DNM3: variants seen among roughly 807,000 people sequenced by gnomAD.
The protein encoded by DNM3 is dynamin-3.
A neutral mutation model predicts 101.6 loss-of-function variants in DNM3; 47 were observed. That is an observed-to-expected ratio of 0.46 (90% CI 0.37 to 0.59). DNM3 has a LOEUF of 0.59. DNM3 is among the 20% of genes least tolerant of loss of function. The pLI is 0.00. For missense variants in DNM3, 849 were observed against 1,085.7 expected (o/e 0.78, Z 3.06); for synonymous variants, 385 against 387.9 (o/e 0.99, Z 0.09).
chr1:171,939,138 T>C (rs2041650955), intron 2 of DNM3, among the ~76,000 whole-genome samples: 1 of 152,164 alleles, frequency 6.6e-6, no homozygotes, highest in Admixed American at 6.5e-5. Flanking sequence ...TAGTAGTCAA[T>C]TATGTACCTT....
chr1:172,269,370 G>T (rs2148741521), intron 15 of DNM3, among the ~76,000 whole-genome samples: 1 of 152,290 alleles, frequency 6.6e-6, no homozygotes, highest in East Asian at 1.9e-4. Flanking sequence ...TGGGACAGAA[G>T]TGTGCCTCCA....
chr1:172,235,058 C>A (rs1457405740), intron 14 of DNM3, among the ~76,000 whole-genome samples: 3 of 149,256 alleles, frequency 2.0e-5, no homozygotes, highest in Non-Finnish European at 3.0e-5. Flanking sequence ...TCAGAGTGAA[C>A]AGGCAACCTA....
chr1:172,310,021 T>C (rs1026975424), intron 16 of DNM3: 1 of 152,198 alleles, frequency 6.6e-6, no homozygotes, highest in Non-Finnish European at 1.5e-5. Flanking sequence ...GAAGTTAAAC[T>C]AGATGCTTTC....
chr1:171,947,495 T>C (rs1252023400), intron 2 of DNM3, among the ~76,000 whole-genome samples: 1 of 151,922 alleles, frequency 6.6e-6, no homozygotes, highest in African/African-American at 2.4e-5. Flanking sequence ...CATAACAGCC[T>C]GAAAAAATCA....
At chr1:172,300,010 A>G (rs1329660918) in intron 15 of DNM3, among the ~76,000 whole-genome samples, 1 of 152,172 alleles carries the variant, frequency 6.6e-6, no homozygotes, top group Non-Finnish European at 1.5e-5. Context: ...CCAACATCAC[A>G]TAAGTGTTCA....
Position 172,408,512 on chromosome 1 carries a change from A to G in DNM3, c.*671A>G. On this transcript the variant is annotated 3_prime_UTR_variant, in exon 21 of 21. Transcript: ENST00000627582. ...TAGAAGCATATGCAACAGTGAATAA[A>G]AGCTTCTTTTTTTGTTAATCAGTCA... is the stretch of plus-strand genomic sequence containing the variant. 2.0e-6 allele frequency: 2 copies of G among 985,380 alleles called. No individual in the cohort carries two copies. The highest frequency in any genetic ancestry group is 2.4e-6 in the Non-Finnish European group (2 of 829,890). 61.0% of individuals were successfully genotyped at this position (985,380 alleles called of 1,614,324 possible).
intron 2 of DNM3, among the ~76,000 whole-genome samples, chr1:171,945,063 C>A (rs1372975340): frequency 6.6e-6 from 1 of 151,290 alleles, no homozygotes; most frequent in East Asian, 1.9e-4. Flanking sequence ...TGTGAAGGGA[C>A]CTCGCTGTGT....
chr1:172,043,741 C>A (rs2049568547), intron 8 of DNM3, among the ~76,000 whole-genome samples: 1 of 152,104 alleles, frequency 6.6e-6, no homozygotes, highest in Admixed American at 6.6e-5. Flanking sequence ...AATGGACAGA[C>A]AATGAAGCCG....
At chr1:171,927,168 CTG>C (rs1372015034) in intron 2 of DNM3, among the ~76,000 whole-genome samples, 3 of 152,200 alleles carry the variant, frequency 2.0e-5, no homozygotes, top group African/African-American at 7.2e-5. Flanking sequence ...CACTAAAAAA[CTG>C]TTAGAACTAC....
At chr1:171,934,634 G>A (rs2125382644) in intron 2 of DNM3, among the ~76,000 whole-genome samples, 1 of 152,320 alleles carries the variant, frequency 6.6e-6, no homozygotes, top group South Asian at 2.1e-4. Flanking sequence ...TTCAGAACTA[G>A]CAGCTGTGGT....
chr1:171,872,541 C>T (rs1232634913), intron 1 of DNM3, among the ~76,000 whole-genome samples: 2 of 152,040 alleles, frequency 1.3e-5, no homozygotes, highest in Non-Finnish European at 2.9e-5. Context: ...TTTGTTTATT[C>T]TTTTTGTATT....
intron 2 of DNM3, among the ~76,000 whole-genome samples, chr1:171,956,024 C>A (rs1014374821): frequency 4.6e-5 from 7 of 152,144 alleles, no homozygotes; most frequent in African/African-American, 1.4e-4. Flanking sequence ...CAGGTCCCTC[C>A]CATGACATGT....
chr1:172,397,244 G>A lies in DNM3; in HGVS notation c.2522+8435G>A, dbSNP rs544731613. The A allele has an allele frequency of 4.1e-4, 62 of 152,724 alleles. 2 individuals carry two copies. The highest frequency in any genetic ancestry group is 1.3e-3 in the African/African-American group (54 of 41,568). The allele number at this position is 152,724 out of a possible 1,614,324, so 9.5% of individuals were successfully genotyped here. A position where few individuals can be genotyped will look rare whatever the true frequency, so the allele number is the denominator to read the frequency against. On this transcript the variant is annotated intron_variant, in intron 20 of 20. Coordinates refer to ENST00000627582, the MANE Select transcript of DNM3 (RefSeq NM_015569.5). ...AATAACTAAAATAATAAAACTTCATGTGAGGCAAATTCCACCTTAATTATT... is the reference window on the plus strand; with the variant it reads ...AATAACTAAAATAATAAAACTTCATATGAGGCAAATTCCACCTTAATTATT...
chr1:171,985,818 G>A (rs996508136), intron 2 of DNM3, among the ~76,000 whole-genome samples: 3 of 152,088 alleles, frequency 2.0e-5, no homozygotes, highest in Non-Finnish European at 4.4e-5. Flanking sequence ...GGTTGGTACT[G>A]GGAAATCTTT....
chr1:172,122,911 C>T (rs1042117627), intron 13 of DNM3, among the ~76,000 whole-genome samples: 2 of 152,062 alleles, frequency 1.3e-5, no homozygotes, highest in African/African-American at 4.8e-5. Flanking sequence ...GGAAAATGTT[C>T]CTTCCCTCAC....
At chr1:172,008,909 C>T (rs1350029889) in intron 4 of DNM3, among the ~76,000 whole-genome samples, 2 of 130,310 alleles carry the variant, frequency 1.5e-5, no homozygotes, top group East Asian at 2.1e-4. Flanking sequence ...ATAAATATAT[C>T]ATATTAAATA....
chr1:171,943,177 C>T (rs368200413), intron 2 of DNM3, among the ~76,000 whole-genome samples: 49 of 152,044 alleles, frequency 3.2e-4, no homozygotes, highest in South Asian at 1.7e-3. Context: ...CTAAGGTGGA[C>T]ACATGCCTGG....
chr1:171,951,077 A>G (rs545265114), intron 2 of DNM3, among the ~76,000 whole-genome samples: 2 of 152,286 alleles, frequency 1.3e-5, no homozygotes, highest in South Asian at 4.2e-4. Flanking sequence ...AACATGACTA[A>G]TTACATACAT....
At chr1:172,262,492 C>T (rs1198358753) in intron 15 of DNM3, among the ~76,000 whole-genome samples, 2 of 152,110 alleles carry the variant, frequency 1.3e-5, no homozygotes, top group Admixed American at 1.3e-4. Flanking sequence ...GTAGGAATCT[C>T]CAGCAGAAAC....
Sources: gnomAD v4.1 joint callset for allele counts (sites outside exome capture counted in the v4.1 genomes callset) on GRCh38, gnomAD v4.1.1 for gene constraint, MANE v1.5 for transcripts, NCBI Gene and HGNC (gene_info 2026-07-23, HGNC 2026-07-21) for gene names.